Variants in ST7 observed in about 807,000 individuals in gnomAD.
ST7 encodes the protein suppressor of tumorigenicity 7 protein.
Under a neutral mutation model 78.7 loss-of-function variants are expected in ST7, and 28 were observed. The ratio of observed to expected loss-of-function variants is 0.36; its 90% confidence interval spans 0.26 to 0.49. ST7 has a LOEUF of 0.49. ST7 is among the 20% of genes least tolerant of loss of function. The pLI is 0.99. For missense variants in ST7, 418 were observed against 696.0 expected (o/e 0.60, Z 4.49); for synonymous variants, 247 against 249.6 (o/e 0.99, Z 0.10).
intron 15 of ST7, among the ~76,000 whole-genome samples, chr7:117,225,649 G>A (rs1254472923): frequency 6.6e-6 from 1 of 152,138 alleles, no homozygotes; most frequent in African/African-American, 2.4e-5. Context: ...GGCTGCCTGC[G>A]ACCATTTGCA....
Position 116,958,240 on chromosome 7 carries a change from G to A in ST7, c.151+4549G>A, listed in dbSNP as rs1252111793. On this transcript the variant is annotated intron_variant, in intron 1 of 15. Coordinates refer to ENST00000323984, the MANE Select transcript of ST7 (RefSeq NM_001369598.1). ...ACTCCTGGGCTCAAGCAGTCCTACT[G>A]CCTCCACCTCCCAAAGTGCTGGGAT... 2.3e-5 allele frequency among the ~76,000 whole-genome samples: 3 copies of A among 128,202 alleles called. No individual in the cohort carries two copies. In the East Asian group the frequency reaches 6.9e-4, roughly 29 times the overall value. The allele number at this position is 128,202 out of a possible 152,430, so 84.1% of individuals were successfully genotyped here.
chr7:116,966,000 G>A (rs998956559), intron 1 of ST7: 9 of 399,908 alleles, frequency 2.3e-5, no homozygotes, highest in African/African-American at 1.3e-4. Context: ...TGTCTTGAAC[G>A]TGGTTCATTG....
chr7:117,097,897 TATATATATA>T (rs1217944926), intron 1 of ST7, among the ~76,000 whole-genome samples: 8 of 27,726 alleles, frequency 2.9e-4, no homozygotes, highest in African/African-American at 8.4e-4. Flanking sequence ...TATATATATA[TATATATATA>T]TATTTTTTTT....
At chr7:116,956,922 A>G in intron 1 of ST7, 1 of 297,010 alleles carries the variant, frequency 3.4e-6, no homozygotes, top group Admixed American at 4.7e-5. Context: ...TAAGAGGATG[A>G]GGAGAATTCC....
At chr7:117,011,411 T>C (rs921046239) in intron 1 of ST7, among the ~76,000 whole-genome samples, 1 of 152,210 alleles carries the variant, frequency 6.6e-6, no homozygotes, top group African/African-American at 2.4e-5. Context: ...TTTTCTCCTC[T>C]GACTGTAATT....
At chr7:116,984,826 C>T (rs930103311) in intron 1 of ST7, among the ~76,000 whole-genome samples, 50 of 152,126 alleles carry the variant, frequency 3.3e-4, no homozygotes, top group Non-Finnish European at 4.7e-4. Flanking sequence ...CTGGACTGTT[C>T]TCATGACCAT....
At chr7:117,148,327 T>C (rs188310257) in intron 9 of ST7, among the ~76,000 whole-genome samples, 1 of 152,320 alleles carries the variant, frequency 6.6e-6, no homozygotes, top group African/African-American at 2.4e-5. Context: ...CTACTCTAAC[T>C]TATTGTGATT....
chr7:116,954,034 C>A (rs1356267990), intron 1 of ST7: 1 of 151,814 alleles, frequency 6.6e-6, no homozygotes, highest in Non-Finnish European at 1.5e-5. Context: ...TCCCAGGACA[C>A]CCCCTCGGGT....
At chr7:117,075,551 G>A (rs1397603890) in intron 1 of ST7, among the ~76,000 whole-genome samples, 1 of 152,216 alleles carries the variant, frequency 6.6e-6, no homozygotes, top group Admixed American at 6.5e-5. Flanking sequence ...GAAGAAGTGA[G>A]AGATGGAAAG....
chr7:117,140,716 A>G (rs917995721), intron 9 of ST7, among the ~76,000 whole-genome samples: 1 of 152,210 alleles, frequency 6.6e-6, no homozygotes, highest in Non-Finnish European at 1.5e-5. Context: ...GTTTCTAAAA[A>G]AAAAGTCTGT....
chr7:117,110,169 T>C (rs187560201), intron 2 of ST7, among the ~76,000 whole-genome samples: 1 of 152,362 alleles, frequency 6.6e-6, no homozygotes, highest in East Asian at 1.9e-4. Context: ...GATTATCATT[T>C]ACATTTACAA....
At chr7:117,197,109 A>T (rs2117449090) in intron 12 of ST7, among the ~76,000 whole-genome samples, 1 of 152,246 alleles carries the variant, frequency 6.6e-6, no homozygotes, top group Non-Finnish European at 1.5e-5. Context: ...ATCATAGCTC[A>T]TTGTAATCTC....
At chr7:117,111,302 C>T (rs1204229650) in intron 2 of ST7, among the ~76,000 whole-genome samples, 2 of 152,194 alleles carry the variant, frequency 1.3e-5, no homozygotes, top group Non-Finnish European at 2.9e-5. Flanking sequence ...CTCACCTAAG[C>T]AATGTCCTAG....
At chr7:116,955,729 G>A (rs987488289) in intron 1 of ST7, among the ~76,000 whole-genome samples, 6 of 152,146 alleles carry the variant, frequency 3.9e-5, no homozygotes, top group African/African-American at 1.4e-4. Flanking sequence ...TGCAGATCAG[G>A]CAAGAAGCAA....
intron 10 of ST7, among the ~76,000 whole-genome samples, chr7:117,183,361 G>C (rs186052620): frequency 6.6e-6 from 1 of 151,944 alleles, no homozygotes; most frequent in Non-Finnish European, 1.5e-5. Flanking sequence ...GGGAGGTGGA[G>C]GTTGTAGTGA....
At chr7:117,036,216 A>G (rs933320624) in intron 1 of ST7, among the ~76,000 whole-genome samples, 2 of 152,202 alleles carry the variant, frequency 1.3e-5, no homozygotes, top group African/African-American at 4.8e-5. Flanking sequence ...TTCCTGAAGC[A>G]CTAACATTTC....
chr7:117,132,264 T>A (rs552846901), intron 6 of ST7, among the ~76,000 whole-genome samples: 1 of 151,972 alleles, frequency 6.6e-6, no homozygotes, highest in Admixed American at 6.6e-5. Flanking sequence ...TAAAACATTC[T>A]GACAGGGAAA....
intron 15 of ST7, chr7:117,223,842 T>C (rs1462577478): frequency 1.5e-5 from 8 of 544,880 alleles, no homozygotes; most frequent in African/African-American, 2.0e-5. Flanking sequence ...TATCTCTGTA[T>C]CCCCAAGGCT....
intron 1 of ST7, among the ~76,000 whole-genome samples, chr7:117,048,354 G>A (rs529516449): frequency 6.4e-4 from 98 of 152,096 alleles, no homozygotes; most frequent in Non-Finnish European, 1.1e-3. Context: ...AAGTTTCAGC[G>A]TCTGGATCAT....
Sources: gnomAD v4.1 joint callset for allele counts (sites outside exome capture counted in the v4.1 genomes callset) on GRCh38, gnomAD v4.1.1 for gene constraint, MANE v1.5 for transcripts, NCBI Gene and HGNC (gene_info 2026-07-23, HGNC 2026-07-21) for gene names.